Variants in ZNF581 observed in about 807,000 individuals in gnomAD.
ZNF581 encodes the protein zinc finger protein 581.
ZNF581 carries 1 observed loss-of-function variant against 1.2 expected under a neutral mutation model. That is an observed-to-expected ratio of 0.83 (90% CI 0.30 to 3.95). The LOEUF (loss-of-function observed/expected upper bound fraction) is 3.95. Ranked by LOEUF, ZNF581 falls within the 30% of genes most tolerant of loss-of-function variation. ZNF581 has a pLI of 0.18. For synonymous variants in ZNF581, 105 were observed against 109.2 expected (o/e 0.96, Z 0.24); for missense variants, 273 against 274.6 (o/e 0.99, Z 0.04).
upstream of ZNF581, chr19:55,643,102 C>T (rs1036981308): frequency 1.1e-5 from 15 of 1,319,914 alleles, no homozygotes; most frequent in East Asian, 4.1e-4. Flanking sequence ...CACTCACTCC[C>T]ACACACACCC....
At chr19:55,638,118 T>C (rs1432995678), upstream of ZNF581, among the ~76,000 whole-genome samples, 1 of 152,214 alleles carries the variant, frequency 6.6e-6, no homozygotes, top group Non-Finnish European at 1.5e-5. Flanking sequence ...CGTGTGGTCC[T>C]GGCAGCTGCT....
chr19:55,637,780 C>G (rs1461551279), upstream of ZNF581, among the ~76,000 whole-genome samples: 1 of 152,208 alleles, frequency 6.6e-6, no homozygotes, highest in Non-Finnish European at 1.5e-5. Flanking sequence ...GCCAATCACA[C>G]GATCTCTTTG....
chr19:55,641,086 C>T (rs1207599113), upstream of ZNF581: 1 of 985,146 alleles, frequency 1.0e-6, no homozygotes, highest in Non-Finnish European at 1.2e-6. Flanking sequence ...CGGAGCTGCC[C>T]GGAAGTCTCG....
At chr19:55,638,243 G>C (rs373040964), upstream of ZNF581, among the ~76,000 whole-genome samples, 1 of 152,002 alleles carries the variant, frequency 6.6e-6, no homozygotes, top group Non-Finnish European at 1.5e-5. Context: ...TTGTTTGTTT[G>C]TTTGTTTGTT....
chr19:55,635,705 T>G (rs1982050727), exon 1 of ZNF581: 2 of 988,204 alleles, frequency 2.0e-6, no homozygotes, highest in Non-Finnish European at 2.4e-6. Context: ...TGCAGCTGTC[T>G]GGAACAGGTT....
chr19:55,640,017 C>T, upstream of ZNF581: 3 of 545,356 alleles, frequency 5.5e-6, no homozygotes, highest in Non-Finnish European at 7.0e-6. Flanking sequence ...ATAGAACTTT[C>T]CACCATTGCA....
upstream of ZNF581, chr19:55,642,379 G>A: frequency 7.7e-7 from 1 of 1,300,088 alleles, no homozygotes; most frequent in Non-Finnish European, 9.8e-7. Context: ...TTGCTAGGGA[G>A]GTAGTCAGTG....
At chr19:55,642,401 G>GTAAC, upstream of ZNF581, 2 of 1,345,578 alleles carry the variant, frequency 1.5e-6, no homozygotes, top group Non-Finnish European at 1.9e-6. Flanking sequence ...CGCACAAAGG[G>GTAAC]TAACAAGCAG....
chr19:55,641,204 G>A (rs989650359), upstream of ZNF581: 1 of 984,614 alleles, frequency 1.0e-6, no homozygotes, highest in Non-Finnish European at 1.2e-6. Context: ...CGGGATGGAG[G>A]GAGGAGCCTG....
At chr19:55,640,779 C>A (rs921485328), upstream of ZNF581, 4 of 985,378 alleles carry the variant, frequency 4.1e-6, no homozygotes, top group Non-Finnish European at 4.8e-6. Context: ...AGGGCGAAGA[C>A]GTAACTTTGC....
At chr19:55,640,338 G>C (rs75498600), upstream of ZNF581, 8 of 985,142 alleles carry the variant, frequency 8.1e-6, no homozygotes, top group Non-Finnish European at 9.6e-6. Context: ...CAGCCCGCGA[G>C]CCCGCATCAG....
upstream of ZNF581, chr19:55,642,736 G>C (rs1332195286): frequency 6.6e-7 from 1 of 1,516,140 alleles, no homozygotes; most frequent in Middle Eastern, 2.2e-4. Flanking sequence ...CCCGGGGCCC[G>C]CCCCAGCGCG....
rs778671564 is a variant in ZNF581 at position 55,644,999 on chromosome 19, GGCCCCACGGCT to G, written c.433_443del (p.His145AlafsTer11). The G allele has an allele frequency of 6.2e-7, 1 of 1,600,786 alleles. No homozygotes were observed. The highest frequency in any genetic ancestry group is 2.2e-5 in the East Asian group (1 of 44,476). On this transcript the variant is annotated frameshift_variant, in exon 2 of 2. Transcript: ENST00000270451. LOFTEE classifies it low-confidence loss of function (END_TRUNC). The surrounding 1 kb of genome is among the most constrained non-coding windows in gnomAD (Gnocchi z 4.3). Reference sequence around the variant, plus strand: ...TCCATTCACCTGGCGGGTGGTGGGCGGCCCCACGGCTGCCCGCTCTGCCCTCGCCGCTTCCG... The same window carrying G: ...TCCATTCACCTGGCGGGTGGTGGGCGGCCCGCTCTGCCCTCGCCGCTTCCG...
At chr19:55,643,174 G>A, upstream of ZNF581, 3 of 1,229,496 alleles carry the variant, frequency 2.4e-6, no homozygotes, top group Non-Finnish European at 2.1e-6. Flanking sequence ...TCCAAAGGGA[G>A]GAGCATCATT....
At chr19:55,640,960 G>A, upstream of ZNF581, 2 of 985,396 alleles carry the variant, frequency 2.0e-6, no homozygotes, top group Non-Finnish European at 2.4e-6. Flanking sequence ...CCGGCTCCAG[G>A]CGGCGGAACC....
chr19:55,644,682 C>T lies in ZNF581; in HGVS notation c.111C>T (p.Ser37=). Residue 37 remains serine, a synonymous_variant, in exon 2 of 2, where the codon TCC becomes TCT. Coordinates refer to ENST00000270451, the MANE Select transcript of ZNF581 (RefSeq NM_016535.4). This position sits in a 1 kb window ranked among gnomAD's most constrained non-coding sequence, Gnocchi z 4.3. ...GCTCCCCAGAACCTGGACCTTCCTC[C>T]TCCATCGGATCTCCCCAGGCTTCAT... ...TCRSPEPGPS[S]SIGSPQASSP... 6.2e-7 allele frequency: 1 copy of T among 1,613,350 alleles called. No individual in the cohort carries two copies. The highest frequency in any genetic ancestry group is 8.5e-7 in the Non-Finnish European group (1 of 1,179,638).
chr19:55,644,666 A>G lies in ZNF581; in HGVS notation c.95A>G (p.Glu32Gly). 4 of 1,612,794 alleles carry G rather than the reference A, an allele frequency of 2.5e-6. No individual in the cohort carries two copies. The highest frequency in any genetic ancestry group is 3.4e-6 in the Non-Finnish European group (4 of 1,179,418). Residue 32 changes from glutamate (E) to glycine (G), a missense_variant, in exon 2 of 2, where the codon GAA becomes GGA. Transcript: ENST00000270451. The surrounding 1 kb of genome is among the most constrained non-coding windows in gnomAD (Gnocchi z 4.3). ...CCCCGTCGGACTTGCCGCTCCCCAG[A>G]ACCTGGACCTTCCTCCTCCATCGGA... Reference protein sequence around the residue: ...GPPRRTCRSPEPGPSSSIGSP... With the variant: ...GPPRRTCRSPGPGPSSSIGSP...
At chr19:55,643,164 TC>T (rs1982639403), upstream of ZNF581, 7 of 1,241,560 alleles carry the variant, frequency 5.6e-6, no homozygotes, top group Non-Finnish European at 6.2e-6. Context: ...TTCCCCACCT[TC>T]CAAAGGGAGG....
At chr19:55,640,059 A>G (rs1260358942), upstream of ZNF581, 1 of 903,246 alleles carries the variant, frequency 1.1e-6, no homozygotes, top group Non-Finnish European at 1.3e-6. Context: ...TCTAGGATGT[A>G]GCTGTGGCAC....
Sources: allele counts gnomAD v4.1 joint callset (sites outside exome capture counted in the v4.1 genomes callset), GRCh38; gene constraint gnomAD v4.1.1; non-coding constraint Gnocchi (gnomAD v3.1); transcripts MANE v1.5; gene names NCBI Gene and HGNC (gene_info 2026-07-23, HGNC 2026-07-21).